MTHFD2L: variants seen among roughly 807,000 people sequenced by gnomAD.
The protein encoded by MTHFD2L is methylenetetrahydrofolate dehydrogenase (NADP+ dependent) 2 like, also known as bifunctional methylenetetrahydrofolate dehydrogenase/cyclohydrolase 2, mitochondrial.
Under a neutral mutation model 34.9 loss-of-function variants are expected in MTHFD2L, and 29 were observed. That is an observed-to-expected ratio of 0.83 (90% CI 0.62 to 1.13). The LOEUF (loss-of-function observed/expected upper bound fraction) is 1.13. MTHFD2L is among the 50% of genes most tolerant of loss of function. MTHFD2L has a pLI of 0.00. For synonymous variants in MTHFD2L, 167 were observed against 155.7 expected (o/e 1.07, Z -0.54); for missense variants, 481 against 446.5 (o/e 1.08, Z -0.70).
intron 1 of MTHFD2L, among the ~76,000 whole-genome samples, chr4:74,142,306 T>G (rs1317788768): frequency 6.6e-6 from 1 of 152,230 alleles, no homozygotes; most frequent in Admixed American, 6.5e-5. Flanking sequence ...AATCTAATCC[T>G]TATTGTAACA....
chr4:74,221,292 T>C (rs540104514), intron 5 of MTHFD2L, among the ~76,000 whole-genome samples: 1 of 151,874 alleles, frequency 6.6e-6, no homozygotes, highest in Non-Finnish European at 1.5e-5. Flanking sequence ...GAGTTTGATA[T>C]AGTCATATAT....
At chr4:74,258,070 A>G (rs975017789) in intron 6 of MTHFD2L, among the ~76,000 whole-genome samples, 1 of 152,150 alleles carries the variant, frequency 6.6e-6, no homozygotes. Flanking sequence ...ATGCTGGAAA[A>G]AAAAAAGGTT....
intron 6 of MTHFD2L, among the ~76,000 whole-genome samples, chr4:74,235,236 G>T (rs922962325): frequency 6.6e-6 from 1 of 152,162 alleles, no homozygotes; most frequent in Non-Finnish European, 1.5e-5. Flanking sequence ...GATAGCCCCT[G>T]TGCAGGGATA....
chr4:74,170,319 C>T (rs1212837870), intron 1 of MTHFD2L, among the ~76,000 whole-genome samples: 1 of 152,158 alleles, frequency 6.6e-6, no homozygotes, highest in Non-Finnish European at 1.5e-5. Context: ...TTTGATTTAA[C>T]ATTTGAAAAT....
chr4:74,227,148 A>G (rs1303772010), intron 6 of MTHFD2L, among the ~76,000 whole-genome samples: 2 of 152,118 alleles, frequency 1.3e-5, no homozygotes, highest in African/African-American at 4.8e-5. Context: ...TCTGAAGGAG[A>G]AGAAGAGAAA....
Position 74,115,832 on chromosome 4 carries a change from C to T in MTHFD2L, c.-144+1175C>T, listed in dbSNP as rs1560396184. ...TGCATAAAGTATGCAGCATCACATA[C>T]GGATGAACTCACCGTTTGTCGTGCT... On this transcript the variant is annotated intron_variant and NMD_transcript_variant, in intron 2 of 9. Transcript: ENST00000429519. Among the ~76,000 whole-genome samples, 4 of 152,172 alleles carry T rather than the reference C, an allele frequency of 2.6e-5. No individual in the cohort carries two copies. The South Asian group carries it at 8.3e-4, about 31-fold the overall frequency.
At chr4:74,197,351 C>T (rs1369577354) in intron 3 of MTHFD2L, among the ~76,000 whole-genome samples, 3 of 152,132 alleles carry the variant, frequency 2.0e-5, no homozygotes, top group African/African-American at 7.2e-5. Flanking sequence ...GTATTTATTT[C>T]TCTTACTCAT....
At chr4:74,278,701 G>C (rs1560555028) in intron 6 of MTHFD2L, among the ~76,000 whole-genome samples, 1 of 151,998 alleles carries the variant, frequency 6.6e-6, no homozygotes, top group Non-Finnish European at 1.5e-5. Flanking sequence ...GCTTGAGCTT[G>C]TTTTCATGGC....
At chr4:74,288,307 TGAAA>T (rs1748454781) in intron 7 of MTHFD2L, 1 of 152,064 alleles carries the variant, frequency 6.6e-6, no homozygotes, top group Non-Finnish European at 1.5e-5. Flanking sequence ...TAAGGAAAAG[TGAAA>T]GAGAGAGCCC....
At chr4:74,196,967 A>G (rs1170491436) in intron 3 of MTHFD2L, among the ~76,000 whole-genome samples, 1 of 151,232 alleles carries the variant, frequency 6.6e-6, no homozygotes, top group Admixed American at 6.6e-5. Context: ...AAAAAAACCC[A>G]TACAAAACAT....
intron 5 of MTHFD2L, among the ~76,000 whole-genome samples, chr4:74,215,809 A>T (rs931113202): frequency 2.0e-5 from 3 of 151,804 alleles, no homozygotes; most frequent in African/African-American, 7.3e-5. Context: ...TACTAAATAT[A>T]GGCATATTAT....
intron 1 of MTHFD2L, among the ~76,000 whole-genome samples, chr4:74,146,066 C>T (rs1459425671): frequency 6.6e-6 from 1 of 152,090 alleles, no homozygotes; most frequent in African/African-American, 2.4e-5. Flanking sequence ...TTTCATAGAA[C>T]AAAAAACTAA....
At position 74,225,543 on chromosome 4, in the gene MTHFD2L, A is replaced by T. The variant is rs550707216; in HGVS notation, c.805+149A>T. 3 of 637,650 alleles carry T rather than the reference A, an allele frequency of 4.7e-6. No homozygotes were observed. In the African/African-American group the frequency reaches 5.5e-5, roughly 12 times the overall value. 39.5% of individuals were successfully genotyped at this position (637,650 alleles called of 1,614,324 possible). ...TGGATTCTGTCTCTTGGCAATCATT[A>T]TATCAGTCCATTGTGCCTATGTTAG... On this transcript the variant is annotated intron_variant, in intron 6 of 7. Transcript: ENST00000325278.
At chr4:74,178,249 C>G (rs1729425893) in intron 3 of MTHFD2L, among the ~76,000 whole-genome samples, 1 of 151,974 alleles carries the variant, frequency 6.6e-6, no homozygotes, top group Non-Finnish European at 1.5e-5. Flanking sequence ...AATGTTCTCA[C>G]CACAAAAATA....
chr4:74,294,616 C>A (rs188707274), intron 7 of MTHFD2L, among the ~76,000 whole-genome samples: 1 of 152,076 alleles, frequency 6.6e-6, no homozygotes, highest in Non-Finnish European at 1.5e-5. Context: ...TCATCTATGC[C>A]ACCCTTGGAT....
chr4:74,132,669 A>G (rs1373692854), intron 1 of MTHFD2L, among the ~76,000 whole-genome samples: 1 of 152,142 alleles, frequency 6.6e-6, no homozygotes. Context: ...GCAAACCACC[A>G]TAGCACATGT....
intron 6 of MTHFD2L, among the ~76,000 whole-genome samples, chr4:74,226,045 A>T (rs1739112248): frequency 6.6e-6 from 1 of 152,130 alleles, no homozygotes; most frequent in Non-Finnish European, 1.5e-5. Context: ...CTTTTATAAT[A>T]ATAAAAGCTG....
chr4:74,207,124 T>A (rs1393395841), intron 5 of MTHFD2L, among the ~76,000 whole-genome samples: 10 of 152,000 alleles, frequency 6.6e-5, no homozygotes, highest in African/African-American at 2.4e-4. Context: ...GGTCTCGAAC[T>A]CCTGAGCTCA....
chr4:74,292,303 C>CA (rs1179917309), intron 7 of MTHFD2L, among the ~76,000 whole-genome samples: 1 of 152,160 alleles, frequency 6.6e-6, no homozygotes, highest in Admixed American at 6.5e-5. Flanking sequence ...AAAGTTGAAA[C>CA]AAAAAATACA....
Sources: allele counts gnomAD v4.1 joint callset (sites outside exome capture counted in the v4.1 genomes callset), GRCh38; gene constraint gnomAD v4.1.1; transcripts MANE v1.5; gene names NCBI Gene and HGNC (gene_info 2026-07-23, HGNC 2026-07-21).